YJU2: variants seen among roughly 807,000 people sequenced by gnomAD.
YJU2 encodes splicing factor YJU2.
Under a neutral mutation model 39.6 loss-of-function variants are expected in YJU2, and 28 were observed. The ratio of observed to expected loss-of-function variants is 0.71; its 90% CI spans 0.52 to 0.97. YJU2 has a LOEUF of 0.97. YJU2 is among the 50% of genes least tolerant of loss of function. The pLI, the probability that YJU2 is intolerant of heterozygous loss-of-function variation, is 0.00. For missense variants in YJU2, 328 were observed against 430.4 expected (o/e 0.76, Z 2.11); for synonymous variants, 184 against 182.4 (o/e 1.01, Z -0.07).
chr19:4,263,448 T>A (rs1335634195), intron 6 of YJU2, among the ~76,000 whole-genome samples: 1 of 152,104 alleles, frequency 6.6e-6, no homozygotes, highest in East Asian at 1.9e-4. Flanking sequence ...CAAGGCCCCA[T>A]CTGGTGGCGA....
intron 6 of YJU2, among the ~76,000 whole-genome samples, chr19:4,266,774 A>G (rs28431132): frequency 0.06 from 9,148 of 152,102 alleles, 829 homozygotes; most frequent in African/African-American, 0.2. Context: ...TTGAGCCAGG[A>G]GTTTGAGACC....
chr19:4,250,536 G>A (rs1428829275), intron 2 of YJU2, among the ~76,000 whole-genome samples: 2 of 152,148 alleles, frequency 1.3e-5, no homozygotes, highest in Admixed American at 6.6e-5. Flanking sequence ...TGGCGCTGAG[G>A]TCTGAGGATG....
At chr19:4,252,610 A>G (rs547737429) in intron 3 of YJU2, among the ~76,000 whole-genome samples, 2 of 151,934 alleles carry the variant, frequency 1.3e-5, no homozygotes, top group African/African-American at 4.8e-5. Flanking sequence ...TCTCAAAAAT[A>G]AATAAATAAA....
chr19:4,262,161 C>T (rs1455742295), intron 6 of YJU2, 47 bp downstream of exon 6: 4 of 1,543,332 alleles, frequency 2.6e-6, no homozygotes, highest in Non-Finnish European at 3.5e-6. Context: ...GAACTAGGGA[C>T]AACTGAAGCC....
In YJU2 at chr19:4,253,454, A is replaced by G. The variant is rs185271245; in HGVS notation, c.271-901A>G. The stretch of plus-strand genomic sequence containing the variant: ...AAATTAGCCAGGTGTGATGGTGCAT[A>G]CCTGTAGTCCCAGCTACTCGGCAGG... On this transcript the variant is annotated intron_variant, in intron 3 of 7. Transcript: ENST00000262962. 2.0e-5 allele frequency among the ~76,000 whole-genome samples: 3 copies of G among 151,958 alleles called. No homozygotes were observed. The East Asian group carries it at 5.8e-4, about 29-fold the overall frequency.
intron 6 of YJU2, among the ~76,000 whole-genome samples, chr19:4,262,642 C>T (rs987262480): frequency 2.0e-5 from 3 of 152,082 alleles, no homozygotes; most frequent in African/African-American, 4.8e-5. Flanking sequence ...GGTGCAGTGG[C>T]TCATGCCTGT....
intron 6 of YJU2, among the ~76,000 whole-genome samples, chr19:4,262,815 G>A (rs1055511976): frequency 6.6e-6 from 1 of 152,136 alleles, no homozygotes; most frequent in Non-Finnish European, 1.5e-5. Flanking sequence ...GACTGAGGCA[G>A]GAGGACCGCT....
chr19:4,249,200 C>T lies in YJU2; in HGVS notation c.25-28C>T. On this transcript the variant is annotated intron_variant, in intron 1 of 7. Coordinates refer to ENST00000262962, the MANE Select transcript of YJU2 (RefSeq NM_018074.6). ...CCTGCCCCTGCTTCTGAAAATAACT[C>T]CCCCAACGTTTCCTTCCTCCCCTGC... is the stretch of plus-strand genomic sequence containing the variant. The T allele has an allele frequency of 2.7e-6, 4 of 1,495,058 alleles. No homozygotes were observed. In the South Asian group the frequency reaches 4.6e-5, roughly 17 times the overall value. The allele number at this position is 1,495,058 out of a possible 1,614,324, so 92.6% of individuals were successfully genotyped here.
At chr19:4,247,376 T>G (rs1198915966) in intron 1 of YJU2, 2 of 544,318 alleles carry the variant, frequency 3.7e-6, no homozygotes, top group Non-Finnish European at 6.5e-6. Context: ...CCTTCTGGGC[T>G]GGGGTGTAGT....
intron 6 of YJU2, among the ~76,000 whole-genome samples, chr19:4,266,802 G>A (rs1172821519): frequency 3.3e-5 from 5 of 152,120 alleles, no homozygotes; most frequent in South Asian, 2.1e-4. Context: ...GCAACATAGC[G>A]AGATCCCGTC....
At chr19:4,256,861 A>G (rs1395386380) in intron 4 of YJU2, among the ~76,000 whole-genome samples, 1 of 152,186 alleles carries the variant, frequency 6.6e-6, no homozygotes, top group Non-Finnish European at 1.5e-5. Context: ...CAAGAGTGAG[A>G]GCAAGGAGGA....
At chr19:4,247,582 CGTGTGTGTGTGTGTGTGTGT>C (rs1348900052) in intron 1 of YJU2, among the ~76,000 whole-genome samples, 5 of 27,312 alleles carry the variant, frequency 1.8e-4, no homozygotes, top group African/African-American at 7.2e-4. Flanking sequence ...TGGGGTGGCG[CGTGTGTGTGTGTGTGTGTGT>C]GTGTGTGTGT....
chr19:4,247,850 A>ATACT (rs1970944059), intron 1 of YJU2, among the ~76,000 whole-genome samples: 1 of 151,746 alleles, frequency 6.6e-6, no homozygotes, highest in African/African-American at 2.4e-5. Flanking sequence ...AGTATAAACT[A>ATACT]TACTGTTGGC....
Position 4,255,397 on chromosome 19 carries a change from A to AC in YJU2, c.405+908_405+909insC, listed in dbSNP as rs572739838. 1.3e-4 allele frequency among the ~76,000 whole-genome samples: 20 copies of AC among 152,130 alleles called. No individual in the cohort carries two copies. In the East Asian group the frequency reaches 3.9e-3, roughly 29 times the overall value. On this transcript the variant is annotated intron_variant, in intron 4 of 7. Transcript: ENST00000262962. ...CTAGGAGTCAAAGACCAGCCTGGGCAACATAGTGAGACTCTGTCTCTATAA... is the reference window on the plus strand; with the variant it reads ...CTAGGAGTCAAAGACCAGCCTGGGCACACATAGTGAGACTCTGTCTCTATAA...
chr19:4,253,458 G>A (rs1470149804), intron 3 of YJU2, among the ~76,000 whole-genome samples: 1 of 151,922 alleles, frequency 6.6e-6, no homozygotes, highest in East Asian at 1.9e-4. Context: ...GTGCATACCT[G>A]TAGTCCCAGC....
chr19:4,250,501 A>G (rs1209263786), intron 2 of YJU2, among the ~76,000 whole-genome samples: 1 of 152,122 alleles, frequency 6.6e-6, no homozygotes, highest in Non-Finnish European at 1.5e-5. Flanking sequence ...TAGCTGGGGT[A>G]CGGTGACATC....
At chr19:4,252,590 C>G (rs1226547901) in intron 3 of YJU2, among the ~76,000 whole-genome samples, 4 of 151,552 alleles carry the variant, frequency 2.6e-5, no homozygotes, top group Non-Finnish European at 5.9e-5. Context: ...GGCGACAGAG[C>G]GAGACTCCGT....
intron 6 of YJU2, among the ~76,000 whole-genome samples, chr19:4,262,412 A>T (rs111669900): frequency 2.0e-5 from 3 of 151,838 alleles, no homozygotes; most frequent in Non-Finnish European, 4.4e-5. Flanking sequence ...GTTGGGAAGG[A>T]TGGTCTCAAT....
At chr19:4,248,631 A>G (rs1403168271) in intron 1 of YJU2, among the ~76,000 whole-genome samples, 2 of 152,114 alleles carry the variant, frequency 1.3e-5, no homozygotes, top group Admixed American at 6.6e-5. Context: ...CTTAACCTCT[A>G]CAAAGGGCAG....
Sources: allele counts gnomAD v4.1 joint callset (sites outside exome capture counted in the v4.1 genomes callset), GRCh38; gene constraint gnomAD v4.1.1; transcripts MANE v1.5; gene names NCBI Gene and HGNC (gene_info 2026-07-23, HGNC 2026-07-21).